Variants in IQCM observed in about 807,000 individuals in gnomAD.
IQCM encodes IQ motif containing M.
IQCM carries 45 observed loss-of-function variants against 57.6 expected under a neutral mutation model. That is an observed-to-expected ratio of 0.78 (90% CI 0.62 to 1.00). The LOEUF is 1.00. Among genes scored for constraint, IQCM ranks in the 50% least tolerant of loss-of-function variants. The pLI is 0.00. For synonymous variants in IQCM, 148 were observed against 158.9 expected (o/e 0.93, Z 0.51); for missense variants, 468 against 511.6 (o/e 0.91, Z 0.82).
chr4:149,580,117 T>C (rs1752036895), intron 9 of IQCM, among the ~76,000 whole-genome samples: 1 of 151,732 alleles, frequency 6.6e-6, no homozygotes, highest in Non-Finnish European at 1.5e-5. Context: ...CTAAAAATGA[T>C]AGAACAAATA....
intron 13 of IQCM, among the ~76,000 whole-genome samples, chr4:149,426,770 C>T (rs144000439): frequency 1.3e-5 from 2 of 152,018 alleles, no homozygotes; most frequent in Non-Finnish European, 2.9e-5. Flanking sequence ...CAAGGGAGAG[C>T]AAGGAAGAAG....
At chr4:149,731,717 T>G (rs943411711) in intron 5 of IQCM, among the ~76,000 whole-genome samples, 1 of 151,994 alleles carries the variant, frequency 6.6e-6, no homozygotes, top group Non-Finnish European at 1.5e-5. Flanking sequence ...TGGTATAATG[T>G]GGAAAAAAAA....
At chr4:149,739,643 A>G (rs1368354439) in intron 3 of IQCM, among the ~76,000 whole-genome samples, 6 of 152,080 alleles carry the variant, frequency 3.9e-5, no homozygotes, top group African/African-American at 1.4e-4. Flanking sequence ...AAGTTCCCAA[A>G]AGCAATAGTA....
rs1734727635 is a variant in IQCM at position 149,430,163 on chromosome 4, G to T, written c.1390+3233C>A. 6 of 452,738 alleles carry T rather than the reference G, an allele frequency of 1.3e-5. No individual in the cohort carries two copies. The South Asian group carries it at 7.2e-4, about 54-fold the overall frequency. 28.0% of individuals were successfully genotyped at this position (452,738 alleles called of 1,614,324 possible). ...TCTTCCTCTAGGCTATTATAGAACT[G>T]AGCACTTAAATATGCCTTTGTATGC... is the stretch of plus-strand genomic sequence containing the variant. On this transcript the variant is annotated intron_variant, in intron 13 of 13. Coordinates refer to ENST00000636793, the MANE Select transcript of IQCM (RefSeq NM_001363507.2).
intron 12 of IQCM, among the ~76,000 whole-genome samples, chr4:149,525,796 C>T (rs1417419952): frequency 6.6e-6 from 1 of 151,518 alleles, no homozygotes; most frequent in Admixed American, 6.6e-5. Flanking sequence ...CCAAAGATAA[C>T]ATAAACAAAG....
intron 12 of IQCM, among the ~76,000 whole-genome samples, chr4:149,444,316 A>G (rs1736276321): frequency 6.6e-6 from 1 of 151,954 alleles, no homozygotes; most frequent in African/African-American, 2.4e-5. Flanking sequence ...TTCTAGATCA[A>G]AGTAAACATT....
At chr4:149,781,355 C>A (rs944930783) in intron 2 of IQCM, among the ~76,000 whole-genome samples, 6 of 152,140 alleles carry the variant, frequency 3.9e-5, no homozygotes, top group African/African-American at 1.4e-4. Flanking sequence ...AAATCTCATG[C>A]CGTCCCACTC....
chr4:149,744,707 C>T (rs2149916556), intron 2 of IQCM, among the ~76,000 whole-genome samples: 1 of 151,908 alleles, frequency 6.6e-6, no homozygotes, highest in East Asian at 1.9e-4. Flanking sequence ...CAAATGGGGC[C>T]CCTCTCCACT....
chr4:149,355,877 T>C (rs79191258), intron 13 of IQCM, among the ~76,000 whole-genome samples: 62,007 of 149,880 alleles, frequency 0.41, 12,552 homozygotes, highest in East Asian at 0.46. Context: ...AAAAGTGTTC[T>C]TATTTCTCCA....
At chr4:149,369,975 A>G (rs1314047619) in intron 13 of IQCM, among the ~76,000 whole-genome samples, 2 of 152,196 alleles carry the variant, frequency 1.3e-5, no homozygotes, top group African/African-American at 4.8e-5. Context: ...GGCTCACTGC[A>G]GCCTCAGTCT....
intron 12 of IQCM, among the ~76,000 whole-genome samples, chr4:149,460,983 C>A (rs1738213977): frequency 6.6e-6 from 1 of 151,986 alleles, no homozygotes; most frequent in African/African-American, 2.4e-5. Context: ...GCCTGTAATC[C>A]CAGCATTTTG....
At chr4:149,524,346 A>C (rs924651794) in intron 12 of IQCM, among the ~76,000 whole-genome samples, 1 of 152,148 alleles carries the variant, frequency 6.6e-6, no homozygotes, top group East Asian at 1.9e-4. Context: ...TACAGTACAG[A>C]TATGTAAAAT....
At chr4:149,476,537 A>G (rs1330151573) in intron 12 of IQCM, among the ~76,000 whole-genome samples, 3 of 152,184 alleles carry the variant, frequency 2.0e-5, no homozygotes, top group Non-Finnish European at 4.4e-5. Context: ...GTCTACTTCA[A>G]AGAAGAAGAG....
At chr4:149,517,675 G>C (rs1184227461) in intron 12 of IQCM, among the ~76,000 whole-genome samples, 1 of 152,110 alleles carries the variant, frequency 6.6e-6, no homozygotes, top group Non-Finnish European at 1.5e-5. Context: ...TCAGTGGGCT[G>C]GGAAAGGCAG....
chr4:149,694,326 G>A (rs1041220377), intron 5 of IQCM, among the ~76,000 whole-genome samples: 1 of 143,660 alleles, frequency 7.0e-6, no homozygotes. Flanking sequence ...CCGGGTTCAC[G>A]CCATTCTCCT....
chr4:149,497,405 T>A (rs1030517506), intron 12 of IQCM, among the ~76,000 whole-genome samples: 4 of 152,116 alleles, frequency 2.6e-5, no homozygotes. Flanking sequence ...CACCTGAGAC[T>A]GGGCAATTTC....
At chr4:149,427,945 T>C (rs1734572540) in intron 13 of IQCM, among the ~76,000 whole-genome samples, 1 of 151,858 alleles carries the variant, frequency 6.6e-6, no homozygotes, top group African/African-American at 2.4e-5. Flanking sequence ...ATATTATTCA[T>C]CTCGAGCAAG....
intron 13 of IQCM, among the ~76,000 whole-genome samples, chr4:149,353,439 C>T (rs997582928): frequency 4.6e-5 from 7 of 152,124 alleles, no homozygotes; most frequent in Admixed American, 3.3e-4. Context: ...TGGGCATATA[C>T]CCAAAGGAAA....
intron 12 of IQCM, among the ~76,000 whole-genome samples, chr4:149,496,644 G>T (rs1031165051): frequency 6.6e-6 from 1 of 152,114 alleles, no homozygotes; most frequent in Non-Finnish European, 1.5e-5. Context: ...GCCTCCAGAG[G>T]AATGCAGCCT....
Sources: allele counts gnomAD v4.1 joint callset (sites outside exome capture counted in the v4.1 genomes callset), GRCh38; gene constraint gnomAD v4.1.1; transcripts MANE v1.5; gene names NCBI Gene and HGNC (gene_info 2026-07-23, HGNC 2026-07-21).